The following ADAMTS17 variants were observed in gnomAD, a reference collection of about 807,000 sequenced individuals.
ADAMTS17 encodes A disintegrin and metalloproteinase with thrombospondin motifs 17.
ADAMTS17 carries 113 observed loss-of-function variants against 141.5 expected under a neutral mutation model. The ratio of observed to expected loss-of-function variants is 0.80; its 90% CI spans 0.69 to 0.93. The LOEUF is 0.93. Ranked by LOEUF, ADAMTS17 falls within the 40% of genes least tolerant of loss-of-function variation. The pLI is 0.00. For missense variants in ADAMTS17, 1,659 were observed against 1,517.9 expected (o/e 1.09, Z -1.54); for synonymous variants, 768 against 630.6 (o/e 1.22, Z -3.27).
rs58095229 is a variant in ADAMTS17 at position 100,046,266 on chromosome 15, C to G, written c.2591+2591G>C. 6.7e-3 allele frequency among the ~76,000 whole-genome samples: 1,013 copies of G among 152,254 alleles called. 15 individuals carry two copies. The highest frequency in any genetic ancestry group is 0.023 in the African/African-American group (967 of 41,540). ...TGTAGGAGGGCTGGTCCAATATAAG[C>G]TACTCTATCGTTACAGGAAGCAGAA... On this transcript the variant is annotated intron_variant, in intron 18 of 21. Coordinates refer to ENST00000268070, the MANE Select transcript of ADAMTS17 (RefSeq NM_139057.4).
chr15:100,011,038 C>T (rs2061156320), intron 18 of ADAMTS17, among the ~76,000 whole-genome samples: 1 of 151,880 alleles, frequency 6.6e-6, no homozygotes, highest in South Asian at 2.1e-4. Flanking sequence ...TGCAGAGAGG[C>T]CCCGCGACGC....
At chr15:100,204,604 C>T (rs551081381) in intron 7 of ADAMTS17, among the ~76,000 whole-genome samples, 3 of 152,186 alleles carry the variant, frequency 2.0e-5, no homozygotes, top group Non-Finnish European at 4.4e-5. Context: ...AGTTGGACCC[C>T]TACCTCACAC....
chr15:100,146,513 A>G (rs1310115553), intron 10 of ADAMTS17, among the ~76,000 whole-genome samples: 1 of 152,176 alleles, frequency 6.6e-6, no homozygotes, highest in Non-Finnish European at 1.5e-5. Context: ...TCGTCTCAGG[A>G]CCCTGTGATA....
At chr15:100,118,302 CCTTA>C (rs1234922914) in intron 12 of ADAMTS17, among the ~76,000 whole-genome samples, 1 of 152,240 alleles carries the variant, frequency 6.6e-6, no homozygotes, top group Admixed American at 6.5e-5. Context: ...GGCCCACGGG[CCTTA>C]CTTTTGCCAA....
rs1279215639 is a variant in ADAMTS17, at chr15:100,171,450, G to A, written c.1182-16130C>T. 2.0e-5 allele frequency among the ~76,000 whole-genome samples: 3 copies of A among 152,130 alleles called. No homozygotes were observed. In the East Asian group the frequency reaches 5.8e-4, roughly 29 times the overall value. On this transcript the variant is annotated intron_variant, in intron 8 of 21. Coordinates refer to ENST00000268070, the MANE Select transcript of ADAMTS17 (RefSeq NM_139057.4). ...TGAAATGCATGTCACAGGTTAGGGG[G>A]GCCTGAGGGAGCTGTCACTCAAGTG... is the stretch of plus-strand genomic sequence containing the variant.
At chr15:99,994,711 C>T (rs1164255355) in intron 19 of ADAMTS17, among the ~76,000 whole-genome samples, 7 of 152,088 alleles carry the variant, frequency 4.6e-5, no homozygotes, top group African/African-American at 1.7e-4. Context: ...GGATTACAGG[C>T]GCCCATCACC....
chr15:100,102,420 CCGAAGGGGATCTACATT>C (rs2036163539), intron 14 of ADAMTS17, among the ~76,000 whole-genome samples: 1 of 79,120 alleles, frequency 1.3e-5, no homozygotes, highest in Non-Finnish European at 2.3e-5. Context: ...TGAGGGCCGA[CCGAAGGGGATCTACATT>C]TGAGGGCCGA....
intron 3 of ADAMTS17, among the ~76,000 whole-genome samples, chr15:100,306,825 C>T (rs1209430612): frequency 6.6e-6 from 1 of 152,166 alleles, no homozygotes; most frequent in Non-Finnish European, 1.5e-5. Context: ...AATACCTGAG[C>T]CAACCCAGAC....
intron 7 of ADAMTS17, among the ~76,000 whole-genome samples, chr15:100,244,787 C>T (rs953777692): frequency 2.6e-5 from 4 of 152,200 alleles, no homozygotes; most frequent in Admixed American, 1.3e-4. Flanking sequence ...ATGGTACCTG[C>T]TCTCCTTGCC....
intron 20 of ADAMTS17, among the ~76,000 whole-genome samples, chr15:99,990,127 C>G (rs1414533440): frequency 6.6e-6 from 1 of 152,206 alleles, no homozygotes; most frequent in African/African-American, 2.4e-5. Flanking sequence ...CTTCGACTTC[C>G]CTGGCTCAAG....
intron 12 of ADAMTS17, among the ~76,000 whole-genome samples, chr15:100,131,299 C>T (rs893203605): frequency 6.8e-6 from 1 of 148,022 alleles, no homozygotes; most frequent in African/African-American, 2.5e-5. Context: ...AGCAAACCAC[C>T]ATGGCACGTG....
chr15:99,975,934 G>T, intron 21 of ADAMTS17, 111 bp downstream of exon 21: 1 of 1,208,194 alleles, frequency 8.3e-7, no homozygotes, highest in Non-Finnish European at 1.1e-6. Flanking sequence ...TATGTGACAA[G>T]TGAGGCCCAA....
chr15:100,060,864 A>G (rs966373515), intron 15 of ADAMTS17, among the ~76,000 whole-genome samples: 1 of 152,226 alleles, frequency 6.6e-6, no homozygotes, highest in African/African-American at 2.4e-5. Context: ...AAAGTAATTC[A>G]AAGTTACACT....
chr15:100,076,833 A>T (rs545362999), intron 15 of ADAMTS17, among the ~76,000 whole-genome samples: 1 of 152,356 alleles, frequency 6.6e-6, no homozygotes, highest in Non-Finnish European at 1.5e-5. Context: ...TCTCAATTCT[A>T]TGTTAGGAGT....
At chr15:100,167,565 T>C (rs74037540) in intron 8 of ADAMTS17, among the ~76,000 whole-genome samples, 3,185 of 152,222 alleles carry the variant, frequency 0.021, 133 homozygotes, top group East Asian at 0.17. Flanking sequence ...CTGTGTGCTG[T>C]GGACAGTGAC....
rs146005390 is a variant in ADAMTS17 at position 100,149,154 on chromosome 15, C to T, written c.1473+3458G>A. On this transcript the variant is annotated intron_variant, in intron 10 of 21. Transcript: ENST00000268070. ...CACAGTCCTACAAAAGCAGGGAAGG[C>T]GCAGACTGTTGATACAGCAGGGCCT... Among the ~76,000 whole-genome samples, 14 of 152,164 alleles carry T rather than the reference C, an allele frequency of 9.2e-5. No homozygotes were observed. The East Asian group carries it at 1.4e-3, about 15-fold the overall frequency.
chr15:100,282,825 C>A (rs543519340), intron 3 of ADAMTS17, among the ~76,000 whole-genome samples: 1 of 152,276 alleles, frequency 6.6e-6, no homozygotes, highest in African/African-American at 2.4e-5. Context: ...CCATTAAAAT[C>A]ATACCACGAA....
At chr15:100,206,899 G>C (rs776060814) in intron 7 of ADAMTS17, among the ~76,000 whole-genome samples, 27 of 152,170 alleles carry the variant, frequency 1.8e-4, no homozygotes, top group Non-Finnish European at 4.0e-4. Context: ...ACAGTTATTA[G>C]AGCAGCCACA....
chr15:100,205,772 C>G (rs2041521852), intron 7 of ADAMTS17, among the ~76,000 whole-genome samples: 1 of 152,232 alleles, frequency 6.6e-6, no homozygotes. Context: ...AGGCACACGC[C>G]TAGGGGAAGC....
Sources: gnomAD v4.1 joint callset for allele counts (sites outside exome capture counted in the v4.1 genomes callset) on GRCh38, gnomAD v4.1.1 for gene constraint, MANE v1.5 for transcripts, NCBI Gene and HGNC (gene_info 2026-07-23, HGNC 2026-07-21) for gene names.